NRG1: variants seen among roughly 807,000 people sequenced by gnomAD.
NRG1 encodes neuregulin 1.
A neutral mutation model predicts 63.8 loss-of-function variants in NRG1; 18 were observed. The observed-to-expected ratio is 0.28, with a 90% CI of 0.19 to 0.42. The LOEUF is 0.42. Ranked by LOEUF, NRG1 falls within the 10% of genes least tolerant of loss-of-function variation. The pLI is 1.00. For synonymous variants in NRG1, 302 were observed against 301.3 expected (o/e 1.00, Z -0.02); for missense variants, 762 against 814.7 (o/e 0.94, Z 0.79).
At chr8:31,837,970 A>C (rs551748428) in intron 1 of NRG1, among the ~76,000 whole-genome samples, 1 of 151,886 alleles carries the variant, frequency 6.6e-6, no homozygotes, top group African/African-American at 2.4e-5. Flanking sequence ...CTATATACTG[A>C]TTTCCTTTCC....
chr8:32,146,204 AC>A, intron 1 of NRG1, among the ~76,000 whole-genome samples: 1 of 152,182 alleles, frequency 6.6e-6, no homozygotes, highest in East Asian at 1.9e-4. Flanking sequence ...CTATATGGGA[AC>A]TTTTTCTCAT....
chr8:32,764,284 C>T (rs762851619), exon 12 of NRG1: 2 of 1,614,096 alleles, frequency 1.2e-6, no homozygotes, highest in South Asian at 2.2e-5. Context: ...CTTGAGGCAA[C>T]ACCTGCCTTC....
At chr8:32,765,899 G>T in exon 12 of NRG1, 1 of 152,022 alleles carries the variant, frequency 6.6e-6, no homozygotes, top group East Asian at 1.9e-4. Context: ...ATTAACATTT[G>T]AAATAACTGC....
intron 1 of NRG1, among the ~76,000 whole-genome samples, chr8:32,113,794 A>G (rs573792594): frequency 6.6e-6 from 1 of 152,318 alleles, no homozygotes; most frequent in African/African-American, 2.4e-5. Flanking sequence ...ATGGTAGTGC[A>G]TTGTATGTAT....
At chr8:32,684,827 G>C (rs57517975) in intron 5 of NRG1, among the ~76,000 whole-genome samples, 3,026 of 143,462 alleles carry the variant, frequency 0.021, 110 homozygotes, top group African/African-American at 0.078. Context: ...TAAAATTTTT[G>C]ACAGTTTTGA....
intron 1 of NRG1, among the ~76,000 whole-genome samples, chr8:32,245,713 G>A (rs1204191500): frequency 2.0e-5 from 3 of 152,106 alleles, no homozygotes; most frequent in Non-Finnish European, 4.4e-5. Context: ...GATTTGGCCT[G>A]ATTATTTACA....
At chr8:32,474,239 A>T (rs1041868535) in intron 1 of NRG1, among the ~76,000 whole-genome samples, 1 of 152,220 alleles carries the variant, frequency 6.6e-6, no homozygotes. Flanking sequence ...TCATACACTT[A>T]TTCTAACAAT....
At chr8:32,746,382 T>G (rs1219935933) in intron 7 of NRG1, among the ~76,000 whole-genome samples, 1 of 152,186 alleles carries the variant, frequency 6.6e-6, no homozygotes, top group African/African-American at 2.4e-5. Flanking sequence ...TTTGAAATGA[T>G]TAGCATAAAC....
At chr8:31,893,742 A>C (rs1042128679) in intron 1 of NRG1, among the ~76,000 whole-genome samples, 1 of 151,940 alleles carries the variant, frequency 6.6e-6, no homozygotes, top group Admixed American at 6.6e-5. Context: ...TGGTCTGTAA[A>C]GAATAGTTTA....
intron 1 of NRG1, among the ~76,000 whole-genome samples, chr8:32,184,801 A>G (rs951659159): frequency 3.9e-5 from 6 of 152,186 alleles, no homozygotes; most frequent in African/African-American, 1.4e-4. Context: ...AAGTATAAGC[A>G]TGTGTTTAAT....
intron 1 of NRG1, among the ~76,000 whole-genome samples, chr8:31,670,125 CT>C (rs1806970820): frequency 6.6e-6 from 1 of 152,166 alleles, no homozygotes; most frequent in African/African-American, 2.4e-5. Context: ...TTTTATTTTC[CT>C]ACCACCTTCC....
At chr8:32,476,974 G>A (rs189241879) in intron 1 of NRG1, among the ~76,000 whole-genome samples, 53 of 152,270 alleles carry the variant, frequency 3.5e-4, no homozygotes, top group African/African-American at 1.1e-3. Flanking sequence ...CTCAAGGGCT[G>A]ACGAGCTGGG....
intron 3 of NRG1, among the ~76,000 whole-genome samples, chr8:32,609,463 C>T (rs1018710494): frequency 4.6e-5 from 7 of 151,720 alleles, no homozygotes; most frequent in Admixed American, 1.3e-4. Context: ...TATAAATTGC[C>T]GCACCACTGA....
intron 1 of NRG1, chr8:32,139,406 A>G (rs1304580142): frequency 6.6e-6 from 1 of 152,228 alleles, no homozygotes; most frequent in Non-Finnish European, 1.5e-5. Flanking sequence ...GTCATGAAAC[A>G]AAAGTTGAAA....
chr8:32,062,656 T>TGGA, intron 1 of NRG1, among the ~76,000 whole-genome samples: 1 of 152,146 alleles, frequency 6.6e-6, no homozygotes, highest in East Asian at 1.9e-4. Flanking sequence ...TGGTAGTCCC[T>TGGA]TTCTTTTCTC....
At chr8:32,578,321 G>A (rs1840034698) in intron 1 of NRG1, among the ~76,000 whole-genome samples, 2 of 152,120 alleles carry the variant, frequency 1.3e-5, no homozygotes. Context: ...ATCTTCATGT[G>A]TTATAATACT....
At chr8:31,953,807 T>C (rs1803885431) in intron 1 of NRG1, among the ~76,000 whole-genome samples, 2 of 152,146 alleles carry the variant, frequency 1.3e-5, no homozygotes, top group African/African-American at 4.8e-5. Flanking sequence ...TTCAAAAAGT[T>C]GAACATCAAG....
intron 1 of NRG1, among the ~76,000 whole-genome samples, chr8:32,516,043 G>T (rs1829788144): frequency 6.6e-6 from 1 of 152,048 alleles, no homozygotes; most frequent in African/African-American, 2.4e-5. Flanking sequence ...TTAAAAGACT[G>T]GGATCATATG....
In NRG1 at chr8:31,921,229, A is replaced by G. The variant is rs185891923; in HGVS notation, c.37+281798A>G. On this transcript the variant is annotated intron_variant, in intron 1 of 10. Transcript: ENST00000519301. ...TAAGTGAAAATCTCGGTATTTCCTG[A>G]AAGTCGCCACACTATAACAGATAAC... Among the ~76,000 whole-genome samples, 7 of 152,230 alleles carry G rather than the reference A, an allele frequency of 4.6e-5. No homozygotes were observed. In the East Asian group the frequency reaches 1.2e-3, roughly 25 times the overall value.
Sources: allele counts gnomAD v4.1 joint callset (sites outside exome capture counted in the v4.1 genomes callset), GRCh38; gene constraint gnomAD v4.1.1; transcripts MANE v1.5; gene names NCBI Gene and HGNC (gene_info 2026-07-23, HGNC 2026-07-21).